Variants in ZDHHC13 observed in about 807,000 individuals in gnomAD.
ZDHHC13 encodes the protein zDHHC palmitoyltransferase 13.
In ZDHHC13, 85 loss-of-function variants were observed where a neutral mutation model predicts 86.0. That is an observed-to-expected ratio of 0.99 (90% confidence interval 0.83 to 1.18). The LOEUF (loss-of-function observed/expected upper bound fraction) is 1.18. ZDHHC13 is among the 50% of genes most tolerant of loss of function. ZDHHC13 has a pLI of 0.00. For synonymous variants in ZDHHC13, 263 were observed against 246.4 expected (o/e 1.07, Z -0.63); for missense variants, 711 against 730.2 (o/e 0.97, Z 0.30).
chr11:19,126,882 C>T (rs1369710538), intron 1 of ZDHHC13, among the ~76,000 whole-genome samples: 2 of 152,100 alleles, frequency 1.3e-5, no homozygotes, highest in African/African-American at 4.8e-5. Context: ...TACATTGATT[C>T]CATGTCTTTG....
At position 19,155,872 on chromosome 11, in the gene ZDHHC13, G is replaced by A; in HGVS notation, c.950G>A (p.Trp317Ter). ...GYILDFNSDS[W>*]LLKGCLLVTL... is the part of the protein sequence containing the mutation. The stretch of plus-strand genomic sequence containing the variant: ...ATATTGGACTTCAATTCAGATTCTT[G>A]GCTTTTAAAAGGATGTCTTCTAGTA... The change falls in exon 9 of 17, where the codon TGG (tryptophan) becomes TAG (stop). Residue 317 changes from tryptophan (W) to a stop codon, truncating the protein, a stop_gained. Transcript: ENST00000446113. LOFTEE classifies it high-confidence loss of function. 1 of 1,612,366 alleles carries A rather than the reference G, an allele frequency of 6.2e-7. No individual in the cohort carries two copies. The highest frequency in any genetic ancestry group is 1.7e-4 in the Middle Eastern group (1 of 6,058).
chr11:19,123,795 C>T (rs981709554), intron 1 of ZDHHC13, among the ~76,000 whole-genome samples: 3 of 151,876 alleles, frequency 2.0e-5, no homozygotes, highest in African/African-American at 7.3e-5. Flanking sequence ...ACAACAACAA[C>T]AAACAAAACA....
In ZDHHC13 at chr11:19,172,769, A is replaced by C. The variant is rs774627078; in HGVS notation, c.1679A>C (p.Lys560Thr). Residue 560 changes from lysine (K) to threonine (T), a missense_variant, in exon 16 of 17, where the codon AAG becomes ACG. Lys to Thr is a moderately conservative substitution (Grantham distance 78). Coordinates refer to ENST00000446113, the MANE Select transcript of ZDHHC13 (RefSeq NM_019028.3). ...TCCCATGAGAGAATCAGCCTGCAGAAGCAGAGCAAGCATATGAAACAGACG... is the reference window on the plus strand; with the variant it reads ...TCCCATGAGAGAATCAGCCTGCAGACGCAGAGCAAGCATATGAAACAGACG... ...LTSHERISLQ[K>T]QSKHMKQTLS... 1.9e-6 allele frequency: 3 copies of C among 1,606,638 alleles called. No homozygotes were observed. Among genetic ancestry groups the C allele is most frequent in the Non-Finnish European group, 2.5e-6 (3 of 1,176,550 alleles).
rs1348202132 is a variant in ZDHHC13 at position 19,145,801 on chromosome 11, TA to T, written c.174-379del. On this transcript the variant is annotated intron_variant, in intron 2 of 16. Transcript: ENST00000446113. ...CCATTCTAAGTTTGCTTTTAGTCTT[TA>T]TCCCTTATTGTGAGATTATTGCATG... Among the ~76,000 whole-genome samples, 3 of 152,226 alleles carry T rather than the reference TA, an allele frequency of 2.0e-5. No homozygotes were observed. In the East Asian group the frequency reaches 5.8e-4, roughly 29 times the overall value.
At chr11:19,129,064 A>G (rs1402868236) in intron 1 of ZDHHC13, among the ~76,000 whole-genome samples, 1 of 152,144 alleles carries the variant, frequency 6.6e-6, no homozygotes, top group East Asian at 1.9e-4. Context: ...ATTTGATGTA[A>G]CCCTCCCACT....
Position 19,159,045 on chromosome 11 carries a change from C to G in ZDHHC13, c.1108+5C>G. 1.3e-6 allele frequency: 2 copies of G among 1,527,904 alleles called. No homozygotes were observed. Among genetic ancestry groups the G allele is most frequent in the Non-Finnish European group, 1.8e-6 (2 of 1,130,470 alleles). 94.6% of individuals were successfully genotyped at this position (1,527,904 alleles called of 1,614,324 possible). Reference sequence around the variant, plus strand: ...GGTTCATCTTATTTTTTCCTGATATCCTTTAAGCATCAATTTTGATGTGTA... The same window carrying G: ...GGTTCATCTTATTTTTTCCTGATATGCTTTAAGCATCAATTTTGATGTGTA... On this transcript the variant is annotated splice_donor_5th_base_variant and intron_variant, in intron 10 of 16. Transcript: ENST00000446113.
At chr11:19,123,123 G>A (rs764749175) in intron 1 of ZDHHC13, among the ~76,000 whole-genome samples, 19 of 152,106 alleles carry the variant, frequency 1.2e-4, no homozygotes, top group Non-Finnish European at 2.2e-4. Context: ...TGCCCTTAGC[G>A]TAATTGTACA....
intron 9 of ZDHHC13, among the ~76,000 whole-genome samples, chr11:19,156,605 A>C (rs74427120): frequency 0.028 from 4,282 of 152,052 alleles, 202 homozygotes; most frequent in African/African-American, 0.098. Flanking sequence ...ATCACCCCCC[A>C]TCTCTTCTTC....
At chr11:19,168,358 T>C (rs1850130786) in intron 14 of ZDHHC13, 1 of 152,216 alleles carries the variant, frequency 6.6e-6, no homozygotes, top group Non-Finnish European at 1.5e-5. Context: ...TTGTTTGGCA[T>C]CTATGACCAG....
chr11:19,138,593 G>A (rs1272398709), intron 1 of ZDHHC13, among the ~76,000 whole-genome samples: 5 of 151,604 alleles, frequency 3.3e-5, no homozygotes, highest in African/African-American at 7.3e-5. Flanking sequence ...TACCAAAGCC[G>A]GGCAGAGACA....
At chr11:19,130,306 G>T (rs1392395920) in intron 1 of ZDHHC13, among the ~76,000 whole-genome samples, 3 of 152,048 alleles carry the variant, frequency 2.0e-5, no homozygotes, top group Non-Finnish European at 4.4e-5. Flanking sequence ...TAAGGTGTTT[G>T]TATATTTCAC....
intron 16 of ZDHHC13, among the ~76,000 whole-genome samples, chr11:19,174,142 A>G (rs772295047): frequency 1.3e-5 from 2 of 152,216 alleles, no homozygotes; most frequent in African/African-American, 4.8e-5. Flanking sequence ...TGATAACCCA[A>G]CAGGCAGGTA....
At chr11:19,148,983 C>T (rs746164110) in intron 4 of ZDHHC13, among the ~76,000 whole-genome samples, 29 of 151,846 alleles carry the variant, frequency 1.9e-4, no homozygotes, top group Non-Finnish European at 2.9e-4. Context: ...CAAAAAAAAA[C>T]GAGAATGATT....
In ZDHHC13 at chr11:19,152,430, A is replaced by G. The variant is rs149046642; in HGVS notation, c.747+110A>G. ...TGTTTTCAGTTACCCCAAGATAGAT[A>G]TAAATGATAATAGCTGGCTATCCTT... On this transcript the variant is annotated intron_variant, in intron 7 of 16. Coordinates refer to ENST00000446113, the MANE Select transcript of ZDHHC13 (RefSeq NM_019028.3). 576 of 1,446,522 alleles carry G rather than the reference A, an allele frequency of 4.0e-4. 2 individuals carry two copies. Among genetic ancestry groups the G allele is most frequent in the Middle Eastern group, 2.4e-3 (13 of 5,514 alleles). 89.6% of individuals were successfully genotyped at this position (1,446,522 alleles called of 1,614,324 possible).
intron 1 of ZDHHC13, among the ~76,000 whole-genome samples, chr11:19,141,392 A>C (rs922300558): frequency 3.3e-5 from 5 of 152,188 alleles, no homozygotes; most frequent in African/African-American, 1.2e-4. Context: ...CTTTAGCTGA[A>C]GGAGTCCTTC....
chr11:19,160,300 T>C (rs1166071776), intron 10 of ZDHHC13, among the ~76,000 whole-genome samples: 1 of 152,034 alleles, frequency 6.6e-6, no homozygotes, highest in Non-Finnish European at 1.5e-5. Flanking sequence ...TTATCTCTTC[T>C]TTGTCTCATA....
chr11:19,132,952 C>G (rs1261734659), intron 1 of ZDHHC13, among the ~76,000 whole-genome samples: 1 of 152,158 alleles, frequency 6.6e-6, no homozygotes, highest in East Asian at 1.9e-4. Flanking sequence ...TCATTTTTAA[C>G]TTAACATATA....
At chr11:19,159,283 A>G (rs1849844198) in intron 10 of ZDHHC13, among the ~76,000 whole-genome samples, 1 of 152,156 alleles carries the variant, frequency 6.6e-6, no homozygotes, top group South Asian at 2.1e-4. Flanking sequence ...GAACAGTAGA[A>G]TGTATTATTG....
chr11:19,155,981 C>T (rs937964651), intron 9 of ZDHHC13, 52 bp downstream of exon 9: 1 of 1,542,572 alleles, frequency 6.5e-7, no homozygotes, highest in Non-Finnish European at 8.7e-7. Flanking sequence ...GATTTTATTT[C>T]TTATTTCTGT....
Sources: allele counts gnomAD v4.1 joint callset (sites outside exome capture counted in the v4.1 genomes callset), GRCh38; gene constraint gnomAD v4.1.1; transcripts MANE v1.5; gene names NCBI Gene and HGNC (gene_info 2026-07-23, HGNC 2026-07-21).